The following ZNF517 variants were observed in gnomAD, a reference collection of about 807,000 sequenced individuals.
ZNF517 encodes the protein zinc finger protein 517.
In ZNF517, 12 loss-of-function variants were observed where a neutral mutation model predicts 12.1. The ratio of observed to expected loss-of-function variants is 0.99; its 90% confidence interval spans 0.63 to 1.61. ZNF517 has a LOEUF of 1.61. ZNF517 is among the 40% of genes most tolerant of loss of function. The pLI is 0.00. For synonymous variants in ZNF517, 388 were observed against 310.2 expected, an observed-to-expected ratio of 1.25 and a Z score of -2.63; for missense variants, 781 against 693.2, an observed-to-expected ratio of 1.13 and a Z score of -1.42.
chr8:144,800,131 A>G (rs1826886116), intron 1 of ZNF517, among the ~76,000 whole-genome samples: 1 of 149,798 alleles, frequency 6.7e-6, no homozygotes, highest in East Asian at 2.0e-4. Flanking sequence ...GAAGGAGGTG[A>G]CCCCTCCTAG....
rs931827661 is a variant in ZNF517, at chr8:144,803,085, T to G, written c.33+138T>G. The G allele has an allele frequency of 1.5e-5, 17 of 1,134,372 alleles. 1 individual carries two copies. In the South Asian group the frequency reaches 2.1e-4, roughly 14 times the overall value. 70.3% of individuals were successfully genotyped at this position (1,134,372 alleles called of 1,614,324 possible). A position where few individuals can be genotyped will look rare whatever the true frequency, so the allele number is the denominator to read the frequency against. On this transcript the variant is annotated intron_variant, in intron 2 of 4. Coordinates refer to ENST00000359971, the MANE Select transcript of ZNF517 (RefSeq NM_213605.3). Reference sequence around the variant, plus strand: ...TGGAGTCTGCAAGCCGAGGACAGCCTCCTCGCTCTATGGCCAGGCCTCACA... The same window carrying G: ...TGGAGTCTGCAAGCCGAGGACAGCCGCCTCGCTCTATGGCCAGGCCTCACA...
At chr8:144,812,048 A>G (rs529783346), downstream of ZNF517, among the ~76,000 whole-genome samples, 3 of 140,618 alleles carry the variant, frequency 2.1e-5, no homozygotes, top group East Asian at 6.6e-4. Flanking sequence ...CCAGGTGCAG[A>G]CTGCAGAATG....
chr8:144,799,402 G>A (rs1826833237), intron 1 of ZNF517, among the ~76,000 whole-genome samples: 1 of 152,334 alleles, frequency 6.6e-6, no homozygotes, highest in Non-Finnish European at 1.5e-5. Context: ...CAGTCATTTC[G>A]TAAATAGCTG....
chr8:144,806,727 G>T (rs184365220), intron 4 of ZNF517, among the ~76,000 whole-genome samples: 2 of 151,804 alleles, frequency 1.3e-5, no homozygotes, highest in African/African-American at 4.8e-5. Flanking sequence ...TCAGGTGATC[G>T]GCCCACCTCG....
Position 144,808,597 on chromosome 8 carries a change from G to GAA in ZNF517, c.*203_*204dup. 1 of 657,528 alleles carries GAA rather than the reference G, an allele frequency of 1.5e-6. No individual in the cohort carries two copies. Among genetic ancestry groups the GAA allele is most frequent in the Admixed American group, 4.1e-5 (1 of 24,238 alleles). The allele number at this position is 657,528 out of a possible 1,614,324, so 40.7% of individuals were successfully genotyped here. ...CAGGCAGCCCGTGGTGTGGCCTCAG[G>GAA]AACCACTATCAGCCACCATTTCCTG... On this transcript the variant is annotated 3_prime_UTR_variant, in exon 5 of 5. Transcript: ENST00000359971.
chr8:144,803,745 C>G lies in ZNF517; in HGVS notation c.138C>G (p.Asn46Lys), dbSNP rs184239937. ...TCTACAGGGACGTGATGCTGGAGAA[C>G]TATGGGAACCTGGCCTCACTAGGTG... ...QALYRDVMLE[N>K]YGNLASLGFL... is the part of the protein sequence containing the mutation. The change falls in exon 3 of 5, where the codon AAC becomes AAG. Residue 46 changes from asparagine (N) to lysine (K), a missense_variant. Physicochemically the swap from Asn to Lys is moderately conservative, Grantham distance 94 (BLOSUM62 0). Coordinates refer to ENST00000359971, the MANE Select transcript of ZNF517 (RefSeq NM_213605.3). 3.7e-6 allele frequency: 6 copies of G among 1,614,156 alleles called. No homozygotes were observed. In the African/African-American group the frequency reaches 8.0e-5, roughly 22 times the overall value.
intron 4 of ZNF517, 30 bp downstream of exon 4, chr8:144,804,268 C>A (rs1827116867): frequency 6.3e-7 from 1 of 1,579,526 alleles, no homozygotes; most frequent in Admixed American, 1.7e-5. Context: ...AGGGCGTGTC[C>A]TGTGCTGCCA....
At chr8:144,810,109 A>C (rs1433191922), downstream of ZNF517, 1 of 640,174 alleles carries the variant, frequency 1.6e-6, no homozygotes, top group Non-Finnish European at 2.9e-6. Context: ...TCTCTAGAGG[A>C]CCCTAATACA....
At chr8:144,803,894 G>T in intron 3 of ZNF517, 127 bp downstream of exon 3, 2 of 1,376,700 alleles carry the variant, frequency 1.5e-6, no homozygotes, top group East Asian at 4.7e-5. Flanking sequence ...TCCCCAAGGA[G>T]CCCCTCTCTG....
At chr8:144,803,619 A>T in intron 2 of ZNF517, 22 bp from the exon 3 acceptor site, 1 of 1,613,544 alleles carries the variant, frequency 6.2e-7, no homozygotes, top group South Asian at 1.1e-5. Flanking sequence ...GACTGCCTGG[A>T]TAGCAGAGTA....
chr8:144,803,591 G>A (rs780484780), intron 2 of ZNF517, 50 bp from the exon 3 acceptor site: 1 of 1,608,124 alleles, frequency 6.2e-7, no homozygotes, highest in Non-Finnish European at 8.5e-7. Flanking sequence ...TCATCTGCTG[G>A]GTTCTCACCG....
In ZNF517 at chr8:144,808,514, G is replaced by A; in HGVS notation, c.*119G>A. On this transcript the variant is annotated 3_prime_UTR_variant, in exon 5 of 5. Transcript: ENST00000359971. ...GAAGCAAAGTCTAAAGAAAGGGCCA[G>A]CTCCCATCAGGAGCTCGGCTTCTTG... 3 of 1,308,688 alleles carry A rather than the reference G, an allele frequency of 2.3e-6. No homozygotes were observed. The highest frequency in any genetic ancestry group is 2.9e-6 in the Non-Finnish European group (3 of 1,022,096). The allele number at this position is 1,308,688 out of a possible 1,614,324, so 81.1% of individuals were successfully genotyped here. A position where few individuals can be genotyped will look rare whatever the true frequency, so the allele number is the denominator to read the frequency against.
chr8:144,800,247 C>T (rs1586758565), intron 1 of ZNF517, among the ~76,000 whole-genome samples: 1 of 152,184 alleles, frequency 6.6e-6, no homozygotes, highest in South Asian at 2.1e-4. Context: ...TCAGCAACAG[C>T]TTGATCTGTT....
intron 1 of ZNF517, among the ~76,000 whole-genome samples, chr8:144,799,185 C>T (rs943507862): frequency 3.3e-5 from 5 of 152,284 alleles, no homozygotes; most frequent in African/African-American, 1.2e-4. Flanking sequence ...TCCGCCGAGC[C>T]GGACGGTTGC....
rs148736241 is a variant in ZNF517, at chr8:144,807,826, C to A, written c.910C>A (p.Leu304Ile). The change falls in exon 5 of 5, where the codon CTC (leucine) becomes ATC (isoleucine). Residue 304 changes from leucine (L) to isoleucine (I), a missense_variant. Transcript: ENST00000359971. ...CAAGGCGTTCTGCCGCAGGTTCACCCTCAACGAGCACGGCCGCATCCACAG... is the reference window on the plus strand; with the variant it reads ...CAAGGCGTTCTGCCGCAGGTTCACCATCAACGAGCACGGCCGCATCCACAG... ...CGKAFCRRFT[L>I]NEHGRIHSGE... The A allele has an allele frequency of 6.2e-7, 1 of 1,607,650 alleles. No individual in the cohort carries two copies. The highest frequency in any genetic ancestry group is 2.2e-5 in the East Asian group (1 of 44,778).
intron 1 of ZNF517, among the ~76,000 whole-genome samples, chr8:144,801,742 T>G (rs959037398): frequency 1.6e-4 from 25 of 152,046 alleles, no homozygotes; most frequent in Non-Finnish European, 5.9e-5. Flanking sequence ...ATTAGAAAAA[T>G]AGAAAGAGGC....
chr8:144,804,631 C>T (rs1230250132), intron 4 of ZNF517, among the ~76,000 whole-genome samples: 1 of 152,052 alleles, frequency 6.6e-6, no homozygotes, highest in Admixed American at 6.6e-5. Flanking sequence ...GGGACCACTG[C>T]CACCAAGACA....
intron 1 of ZNF517, 170 bp from the exon 2 acceptor site, chr8:144,802,700 T>C: frequency 1.1e-6 from 1 of 941,424 alleles, no homozygotes; most frequent in Non-Finnish European, 1.3e-6. Flanking sequence ...GAGTGGGTGT[T>C]CCCATGGAGA....
At chr8:144,811,463 C>A (rs11989103), downstream of ZNF517, among the ~76,000 whole-genome samples, 1 of 85,826 alleles carries the variant, frequency 1.2e-5, no homozygotes, top group African/African-American at 4.6e-5. Flanking sequence ...GGAGAGACAC[C>A]GACAGTAAAG....
Sources: allele counts gnomAD v4.1 joint callset (sites outside exome capture counted in the v4.1 genomes callset), GRCh38; gene constraint gnomAD v4.1.1; transcripts MANE v1.5; gene names NCBI Gene and HGNC (gene_info 2026-07-23, HGNC 2026-07-21).